The following CDNF variants were observed in gnomAD, a reference collection of about 807,000 sequenced individuals.
CDNF encodes ARMET-like protein 1.
A neutral mutation model predicts 14.8 loss-of-function variants in CDNF; 9 were observed. That is an observed-to-expected ratio of 0.61 (90% CI 0.37 to 1.06). The LOEUF (loss-of-function observed/expected upper bound fraction) is 1.06, where lower values mean the gene tolerates loss of function less well. CDNF is among the 50% of genes least tolerant of loss of function. CDNF has a pLI of 0.01. For missense variants in CDNF, 228 were observed against 228.4 expected (o/e 1.00, Z 0.01); for synonymous variants, 86 against 87.2 (o/e 0.99, Z 0.07).
At chr10:14,826,034 GAAGA>G (rs1564313284) in intron 2 of CDNF, among the ~76,000 whole-genome samples, 5 of 53,432 alleles carry the variant, frequency 9.4e-5, no homozygotes, top group South Asian at 7.9e-4. Context: ...AGAAGGAGAA[GAAGA>G]AGAAGAAGAA....
rs1056872824 is a variant in CDNF, at chr10:14,837,853, G to A, written c.94C>T (p.Arg32Trp). The change falls in exon 1 of 4, where the codon CGG becomes TGG. Residue 32 changes from arginine (R) to tryptophan (W), a missense_variant. Coordinates refer to ENST00000465530, the MANE Select transcript of CDNF (RefSeq NM_001029954.3). ...VLTQGQEAGG[R>W]PGADCEVCKE... ...TCACCTTCACAGTCGGCCCCTGGCC[G>A]CCCCCCGGCCTCCTGGCCCTGCGTC... The A allele has an allele frequency of 7.5e-6, 12 of 1,596,542 alleles. No individual in the cohort carries two copies. In the Admixed American group the frequency reaches 1.7e-4, roughly 23 times the overall value.
intron 2 of CDNF, among the ~76,000 whole-genome samples, chr10:14,826,585 A>C (rs1833798984): frequency 6.6e-6 from 1 of 152,232 alleles, no homozygotes; most frequent in Admixed American, 6.5e-5. Context: ...CCAGGAAACA[A>C]GTGACTCCAT....
chr10:14,819,920 A>G lies in CDNF; in HGVS notation c.*60T>C. On this transcript the variant is annotated 3_prime_UTR_variant, in exon 4 of 4. Transcript: ENST00000465530. ...CCAGTTATCCTTAATCAACATGTCC[A>G]TATCCTAGAGAGTCACTTTTCTCTC... 4.7e-6 allele frequency: 7 copies of G among 1,488,082 alleles called. No individual in the cohort carries two copies. Among genetic ancestry groups the G allele is most frequent in the Non-Finnish European group, 6.4e-6 (7 of 1,088,618 alleles). The allele number at this position is 1,488,082 out of a possible 1,614,324, so 92.2% of individuals were successfully genotyped here.
intron 2 of CDNF, among the ~76,000 whole-genome samples, chr10:14,827,909 A>C (rs546087010): frequency 6.6e-6 from 1 of 152,280 alleles, no homozygotes; most frequent in African/African-American, 2.4e-5. Context: ...GAAAAAAGAA[A>C]ACATAGAATT....
chr10:14,821,798 T>G (rs1321706653), intron 3 of CDNF, among the ~76,000 whole-genome samples: 1 of 152,202 alleles, frequency 6.6e-6, no homozygotes, highest in Non-Finnish European at 1.5e-5. Context: ...ATTGCTGCTG[T>G]TAAGGTAACA....
At chr10:14,825,010 G>C (rs545189712) in intron 3 of CDNF, among the ~76,000 whole-genome samples, 19 of 151,960 alleles carry the variant, frequency 1.3e-4, no homozygotes, top group African/African-American at 4.3e-4. Context: ...CTGGAGTGCA[G>C]TGGCGGGATC....
At chr10:14,823,201 T>G (rs1833752140) in intron 3 of CDNF, among the ~76,000 whole-genome samples, 1 of 152,234 alleles carries the variant, frequency 6.6e-6, no homozygotes, top group Non-Finnish European at 1.5e-5. Flanking sequence ...TACATTTTTT[T>G]GTAAATGTCA....
In CDNF at chr10:14,826,098, C is replaced by CAGA. The variant is rs1564313450; in HGVS notation, c.244-479_244-478insTCT. Among the ~76,000 whole-genome samples, 10 of 81,036 alleles carry CAGA rather than the reference C, an allele frequency of 1.2e-4. 1 individual carries two copies. The highest frequency in any genetic ancestry group is 3.1e-4 in the African/African-American group (6 of 19,286). 53.2% of individuals were successfully genotyped at this position (81,036 alleles called of 152,430 possible). On this transcript the variant is annotated intron_variant, in intron 2 of 3. Coordinates refer to ENST00000465530, the MANE Select transcript of CDNF (RefSeq NM_001029954.3). ...GAAGAAGAAGAAGAAGAAGAAGAAGCAGCAGCAGCAGCAGCAGCAGCAGCA... is the reference window on the plus strand; with the variant it reads ...GAAGAAGAAGAAGAAGAAGAAGAAGCAGAAGCAGCAGCAGCAGCAGCAGCAGCA...
At chr10:14,837,135 G>T (rs1248218625) in intron 1 of CDNF, among the ~76,000 whole-genome samples, 17 of 152,158 alleles carry the variant, frequency 1.1e-4, no homozygotes, top group Admixed American at 1.1e-3. Flanking sequence ...CCAGAAGGAA[G>T]GGGCTAGCAT....
Position 14,826,034 on chromosome 10 carries a change from GAA to G in CDNF, c.244-416_244-415del, listed in dbSNP as rs1588794833. 1.1e-3 allele frequency among the ~76,000 whole-genome samples: 57 copies of G among 53,502 alleles called. 1 individual carries two copies. In the East Asian group the frequency reaches 0.017, roughly 16 times the overall value. 35.1% of individuals were successfully genotyped at this position (53,502 alleles called of 152,430 possible). On this transcript the variant is annotated intron_variant, in intron 2 of 3. Transcript: ENST00000465530. Reference sequence around the variant, plus strand: ...AGAAGCAGAAGAAGAAGAAGGAGAAGAAGAAGAAGAAGAAGAAGAAGAAGAAG... The same window carrying G: ...AGAAGCAGAAGAAGAAGAAGGAGAAGGAAGAAGAAGAAGAAGAAGAAGAAG...
intron 3 of CDNF, 113 bp from the exon 4 acceptor site, chr10:14,820,271 C>T (rs1379771903): frequency 2.9e-6 from 3 of 1,026,924 alleles, no homozygotes; most frequent in East Asian, 5.0e-5. Context: ...ACCCTATGAT[C>T]CAAGGCAGGG....
At position 14,833,938 on chromosome 10, in the gene CDNF, G is replaced by A. The variant is rs144178153; in HGVS notation, c.115+3894C>T. The stretch of plus-strand genomic sequence containing the variant: ...TGTGTAATGATCTGCTATATTACAC[G>A]TGGAAAATGAGATCCCTCTCAACAT... On this transcript the variant is annotated intron_variant, in intron 1 of 3. Coordinates refer to ENST00000465530, the MANE Select transcript of CDNF (RefSeq NM_001029954.3). Among the ~76,000 whole-genome samples, 22 of 152,294 alleles carry A rather than the reference G, an allele frequency of 1.4e-4. No homozygotes were observed. The East Asian group carries it at 3.7e-3, about 25-fold the overall frequency.
rs1833724953 is a variant in CDNF, at chr10:14,820,081, C to T, written c.463G>A (p.Gly155Arg). 3 of 1,614,158 alleles carry T rather than the reference C, an allele frequency of 1.9e-6. No homozygotes were observed. The highest frequency in any genetic ancestry group is 2.2e-5 in the East Asian group (1 of 44,880). ...TCTGCACAGGCCCTGCACTCCTCCC[C>T]CCAGCTATGCAGGATCTGCTTCAGC... Reference protein sequence around the residue: ...AELKQILHSWGEECRACAEKT... With the variant: ...AELKQILHSWREECRACAEKT... The change falls in exon 4 of 4, where the codon GGG becomes AGG. Residue 155 changes from glycine (G) to arginine (R), a missense_variant. Physicochemically the swap from Gly to Arg is moderately radical, Grantham distance 125 (BLOSUM62 -2). Transcript: ENST00000465530.
At chr10:14,837,784 G>T in intron 1 of CDNF, 48 bp downstream of exon 1, 3 of 1,189,314 alleles carry the variant, frequency 2.5e-6, no homozygotes, top group Non-Finnish European at 3.6e-6. Context: ...CAGCTGCTGC[G>T]CCGCAGCGCG....
chr10:14,833,974 G>T (rs1833866053), intron 1 of CDNF, among the ~76,000 whole-genome samples: 1 of 152,186 alleles, frequency 6.6e-6, no homozygotes, highest in Non-Finnish European at 1.5e-5. Flanking sequence ...GTATTTTGCT[G>T]AGTTTAATTA....
intron 1 of CDNF, among the ~76,000 whole-genome samples, chr10:14,835,703 T>A (rs1356471771): frequency 6.6e-6 from 1 of 152,228 alleles, no homozygotes; most frequent in East Asian, 1.9e-4. Flanking sequence ...AATAGTCCCA[T>A]AATATAATCC....
chr10:14,829,223 C>A (rs970770317), intron 1 of CDNF, among the ~76,000 whole-genome samples: 2 of 152,202 alleles, frequency 1.3e-5, no homozygotes, highest in African/African-American at 2.4e-5. Flanking sequence ...CTTGGGACAG[C>A]ATAATTGTAA....
chr10:14,833,962 A>G (rs1206638376), intron 1 of CDNF, among the ~76,000 whole-genome samples: 1 of 152,226 alleles, frequency 6.6e-6, no homozygotes, highest in Non-Finnish European at 1.5e-5. Context: ...CCCTCTCAAC[A>G]TGTATTTTGC....
At chr10:14,834,533 T>C (rs1331157118) in intron 1 of CDNF, among the ~76,000 whole-genome samples, 1 of 152,112 alleles carries the variant, frequency 6.6e-6, no homozygotes, top group Non-Finnish European at 1.5e-5. Context: ...GTGATGAAAG[T>C]TAGGAATACT....
Sources: allele counts gnomAD v4.1 joint callset (sites outside exome capture counted in the v4.1 genomes callset), GRCh38; gene constraint gnomAD v4.1.1; transcripts MANE v1.5; gene names NCBI Gene and HGNC (gene_info 2026-07-23, HGNC 2026-07-21).